The following BMERB1 variants were observed in gnomAD, a reference collection of about 807,000 sequenced individuals.
BMERB1 encodes bMERB domain-containing protein 1.
A neutral mutation model predicts 23.6 loss-of-function variants in BMERB1; 12 were observed. That is an observed-to-expected ratio of 0.51 (90% CI 0.33 to 0.82). The LOEUF is 0.82. BMERB1 is among the 40% of genes least tolerant of loss of function. The pLI is 0.03. For missense variants in BMERB1, 247 were observed against 255.4 expected (o/e 0.97, Z 0.22); for synonymous variants, 122 against 96.6 (o/e 1.26, Z -1.54).
chr16:15,540,182 A>G (rs1333013421), intron 2 of BMERB1, among the ~76,000 whole-genome samples: 1 of 152,048 alleles, frequency 6.6e-6, no homozygotes, highest in Non-Finnish European at 1.5e-5. Flanking sequence ...TTTTAGGAAC[A>G]ATATTAGGTT....
intron 1 of BMERB1, among the ~76,000 whole-genome samples, chr16:15,501,289 T>G (rs1417427435): frequency 4.9e-4 from 1 of 2,034 alleles, no homozygotes; most frequent in African/African-American, 1.1e-3. Context: ...TCTTTTTACT[T>G]TTTTTTTTTT....
At chr16:15,552,702 C>T (rs1462547832) in intron 2 of BMERB1, among the ~76,000 whole-genome samples, 2 of 152,120 alleles carry the variant, frequency 1.3e-5, no homozygotes, top group African/African-American at 4.8e-5. Flanking sequence ...GCCACATGGC[C>T]TTGGTAGCTG....
intron 1 of BMERB1, among the ~76,000 whole-genome samples, chr16:15,489,748 A>G (rs914967359): frequency 6.6e-6 from 1 of 151,998 alleles, no homozygotes; most frequent in African/African-American, 2.4e-5. Context: ...TGCTCCTCCC[A>G]CGCCACAGAG....
At chr16:15,514,189 A>C (rs2051715236) in intron 1 of BMERB1, among the ~76,000 whole-genome samples, 1 of 152,098 alleles carries the variant, frequency 6.6e-6, no homozygotes, top group South Asian at 2.1e-4. Context: ...GGGTCCCTTG[A>C]GCCCAGGGTT....
intron 3 of BMERB1, among the ~76,000 whole-genome samples, chr16:15,573,376 A>G (rs994305140): frequency 1.3e-5 from 2 of 152,176 alleles, no homozygotes; most frequent in African/African-American, 4.8e-5. Context: ...TTATTCCTCA[A>G]ATCAGTGCCC....
intron 3 of BMERB1, among the ~76,000 whole-genome samples, chr16:15,573,816 G>A (rs888632924): frequency 1.3e-5 from 2 of 150,164 alleles, no homozygotes; most frequent in Non-Finnish European, 3.0e-5. Context: ...CTCACAGTTC[G>A]GCATAGCTGG....
intron 1 of BMERB1, among the ~76,000 whole-genome samples, chr16:15,471,272 C>T (rs1206739178): frequency 1.3e-5 from 2 of 151,910 alleles, no homozygotes; most frequent in East Asian, 1.9e-4. Context: ...ATTTGTCCAG[C>T]GTTGTTTGTT....
intron 3 of BMERB1, among the ~76,000 whole-genome samples, chr16:15,578,763 G>A (rs550928652): frequency 6.6e-6 from 1 of 152,064 alleles, no homozygotes; most frequent in African/African-American, 2.4e-5. Context: ...CTTTTATAAG[G>A]GCACTAATTC....
rs73503547 is a variant in BMERB1 at position 15,445,047 on chromosome 16, C to T, written c.106+10288C>T. 3.0e-3 allele frequency among the ~76,000 whole-genome samples: 464 copies of T among 152,292 alleles called. 2 individuals are homozygous for T. The highest frequency in any genetic ancestry group is 0.01 in the African/African-American group (432 of 41,560). Reference sequence around the variant, plus strand: ...CTGGAACTACAGGTGCACACCACCACGTGTGGCTAATTTTTACAATTTTTT... The same window carrying T: ...CTGGAACTACAGGTGCACACCACCATGTGTGGCTAATTTTTACAATTTTTT... On this transcript the variant is annotated intron_variant, in intron 1 of 5. Transcript: ENST00000300006.
At chr16:15,491,692 C>A (rs1381064039) in intron 1 of BMERB1, among the ~76,000 whole-genome samples, 1 of 152,114 alleles carries the variant, frequency 6.6e-6, no homozygotes, top group Admixed American at 6.6e-5. Context: ...GTTGTCACCT[C>A]TCACAGCTTC....
At chr16:15,508,437 C>T (rs1017821240) in intron 1 of BMERB1, among the ~76,000 whole-genome samples, 16 of 12,912 alleles carry the variant, frequency 1.2e-3, no homozygotes, top group South Asian at 5.5e-3. Flanking sequence ...AATGAATGAG[C>T]GTGATCAGTG....
chr16:15,555,574 T>G (rs1012275341), intron 2 of BMERB1, among the ~76,000 whole-genome samples: 1 of 152,050 alleles, frequency 6.6e-6, no homozygotes, highest in African/African-American at 2.4e-5. Flanking sequence ...CTGACTGCAA[T>G]CAAAGGAAAG....
At chr16:15,508,518 C>T (rs2051619640) in intron 1 of BMERB1, among the ~76,000 whole-genome samples, 1 of 152,028 alleles carries the variant, frequency 6.6e-6, no homozygotes, top group Non-Finnish European at 1.5e-5. Context: ...GGTATCAACC[C>T]CTGGCCTAAG....
At chr16:15,494,626 G>A (rs753420078) in intron 1 of BMERB1, among the ~76,000 whole-genome samples, 8 of 152,078 alleles carry the variant, frequency 5.3e-5, no homozygotes, top group Non-Finnish European at 8.8e-5. Context: ...TGCCTTAGAC[G>A]GAGTTTGCTT....
chr16:15,548,700 C>T (rs1209695244), intron 2 of BMERB1, among the ~76,000 whole-genome samples: 3 of 152,170 alleles, frequency 2.0e-5, no homozygotes, highest in East Asian at 1.9e-4. Context: ...TTTATCAAGC[C>T]CCAGGGTCTC....
chr16:15,536,364 G>C (rs2150961288), intron 2 of BMERB1, among the ~76,000 whole-genome samples: 2 of 152,126 alleles, frequency 1.3e-5, no homozygotes, highest in South Asian at 4.2e-4. Context: ...CCCTCTACCT[G>C]TTTCCCCTCT....
intron 2 of BMERB1, among the ~76,000 whole-genome samples, chr16:15,565,977 C>T (rs893280861): frequency 3.9e-5 from 6 of 152,186 alleles, no homozygotes; most frequent in African/African-American, 1.4e-4. Flanking sequence ...ACAGTGATTC[C>T]ACTTCTGAGA....
intron 2 of BMERB1, among the ~76,000 whole-genome samples, chr16:15,554,728 A>G (rs1471535095): frequency 6.7e-6 from 1 of 149,018 alleles, no homozygotes; most frequent in African/African-American, 2.5e-5. Context: ...GTGCAGTGGC[A>G]TGATCTCAGC....
intron 1 of BMERB1, among the ~76,000 whole-genome samples, chr16:15,457,064 T>C (rs536918842): frequency 3.9e-4 from 59 of 152,110 alleles, no homozygotes; most frequent in South Asian, 1.7e-3. Flanking sequence ...GACCTCAAGT[T>C]ATCCACCCAC....
Sources: gnomAD v4.1 joint callset for allele counts (sites outside exome capture counted in the v4.1 genomes callset) on GRCh38, gnomAD v4.1.1 for gene constraint, MANE v1.5 for transcripts, NCBI Gene and HGNC (gene_info 2026-07-23, HGNC 2026-07-21) for gene names.